Variants in EGFL6 observed in about 807,000 individuals in gnomAD.
The protein encoded by EGFL6 is EGF like domain multiple 6, also known as epidermal growth factor-like protein 6.
A neutral mutation model predicts 43.1 loss-of-function variants in EGFL6; 42 were observed. That is an observed-to-expected ratio of 0.98 (90% CI 0.76 to 1.26). The LOEUF (loss-of-function observed/expected upper bound fraction) is 1.26, where lower values mean the gene tolerates loss of function less well. Among genes scored for constraint, EGFL6 ranks in the 50% most tolerant of loss-of-function variants. EGFL6 has a pLI of 0.00. For missense variants in EGFL6, 429 were observed against 427.8 expected, an observed-to-expected ratio of 1.00 and a Z score of -0.02; for synonymous variants, 164 against 163.2, an observed-to-expected ratio of 1.01 and a Z score of -0.04.
chrX:13,570,404 G>C (rs911628328), intron 1 of EGFL6, among the ~76,000 whole-genome samples: 4 of 111,592 alleles, frequency 3.6e-5, no homozygotes, highest in African/African-American at 1.3e-4. Context: ...GAAAGAAACC[G>C]AGGACGATAA....
At chrX:13,627,685 G>T (rs1159188739) in intron 11 of EGFL6, among the ~76,000 whole-genome samples, 2 of 111,918 alleles carry the variant, frequency 1.8e-5, no homozygotes, top group African/African-American at 6.5e-5. Flanking sequence ...AGTGGCTATT[G>T]TCAGTGTCCC....
chrX:13,569,754 A>C lies in EGFL6; in HGVS notation c.-108A>C. 1.3e-6 allele frequency: 1 copy of C among 768,728 alleles called. No individual in the cohort carries two copies. The highest frequency in any genetic ancestry group is 2.4e-5 in the Admixed American group (1 of 41,633). The allele number at this position is 768,728 out of a possible 1,213,427, so 63.4% of individuals were successfully genotyped here. ...CACCCGGTAACTGCGAGTGGAGCGG[A>C]GGACCCGAGCGGCTGAGGAGAGAGG... On this transcript the variant is annotated 5_prime_UTR_variant, in exon 1 of 12. Coordinates refer to ENST00000361306, the MANE Select transcript of EGFL6 (RefSeq NM_015507.4).
chrX:13,602,138 A>G (rs1411704760), intron 4 of EGFL6, among the ~76,000 whole-genome samples: 1 of 111,097 alleles, frequency 9.0e-6, no homozygotes, highest in Non-Finnish European at 1.9e-5. Flanking sequence ...TTATAGCTCA[A>G]AGTGTCCAGA....
At chrX:13,625,566 C>T in intron 10 of EGFL6, among the ~76,000 whole-genome samples, 1 of 110,500 alleles carries the variant, frequency 9.0e-6, no homozygotes, top group Middle Eastern at 4.7e-3. Flanking sequence ...TGCCTGTAAT[C>T]CCAGCTACTT....
intron 2 of EGFL6, among the ~76,000 whole-genome samples, chrX:13,592,813 G>A (rs756125403): frequency 3.3e-5 from 3 of 89,912 alleles, no homozygotes; most frequent in African/African-American, 1.3e-4. Context: ...TAAAGGGTAG[G>A]TCTAGAGAAT....
intron 1 of EGFL6, among the ~76,000 whole-genome samples, chrX:13,587,903 A>G (rs1476777722): frequency 8.9e-6 from 1 of 111,917 alleles, no homozygotes; most frequent in Non-Finnish European, 1.9e-5. Flanking sequence ...AATGAAAGAA[A>G]AGTTTACCTT....
At chrX:13,597,061 C>T (rs946078460) in intron 3 of EGFL6, among the ~76,000 whole-genome samples, 3 of 111,984 alleles carry the variant, frequency 2.7e-5, no homozygotes, top group Non-Finnish European at 3.8e-5. Context: ...GAGGTACTCC[C>T]GGCATCTAGT....
intron 4 of EGFL6, 44 bp downstream of exon 4, chrX:13,600,138 T>G: frequency 8.5e-7 from 1 of 1,174,763 alleles, no homozygotes; most frequent in Non-Finnish European, 1.1e-6. Context: ...TGTTTAAGGC[T>G]TGGCTTTTGC....
At chrX:13,572,701 G>A (rs1270699135) in intron 1 of EGFL6, among the ~76,000 whole-genome samples, 1 of 112,051 alleles carries the variant, frequency 8.9e-6, no homozygotes, top group East Asian at 2.8e-4. Flanking sequence ...TGTGAGAGAG[G>A]AGGGAATGAC....
chrX:13,569,714 A>C lies in EGFL6; in HGVS notation c.-148A>C. On this transcript the variant is annotated 5_prime_UTR_variant, in exon 1 of 12. Transcript: ENST00000361306. Reference sequence around the variant, plus strand: ...GCCGCGGTGCCTGGCCTCCCCTCCCAGACTGCAGGGACAGCACCCGGTAAC... The same window carrying C: ...GCCGCGGTGCCTGGCCTCCCCTCCCCGACTGCAGGGACAGCACCCGGTAAC... The C allele has an allele frequency of 5.6e-6, 3 of 537,756 alleles. No homozygotes were observed. The highest frequency in any genetic ancestry group is 3.9e-5 in the East Asian group (1 of 25,525). The allele number at this position is 537,756 out of a possible 1,213,427, so 44.3% of individuals were successfully genotyped here.
chrX:13,595,067 A>G, intron 3 of EGFL6, 139 bp downstream of exon 3: 1 of 365,664 alleles, frequency 2.7e-6, no homozygotes, highest in Non-Finnish European at 4.6e-6. Flanking sequence ...CAAGTTTTTC[A>G]ATCTCTTCTC....
intron 3 of EGFL6, among the ~76,000 whole-genome samples, chrX:13,598,871 TTTC>T (rs2045616031): frequency 2.9e-5 from 3 of 104,125 alleles, no homozygotes; most frequent in Non-Finnish European, 5.8e-5. Flanking sequence ...TTCATATATA[TTTC>T]ATATATATAA....
chrX:13,585,526 A>G (rs1427028681), intron 1 of EGFL6, among the ~76,000 whole-genome samples: 1 of 111,011 alleles, frequency 9.0e-6, no homozygotes, highest in African/African-American at 3.3e-5. Context: ...CTAGCACTAT[A>G]GTCCATACAT....
intron 11 of EGFL6, among the ~76,000 whole-genome samples, chrX:13,632,462 C>CGTG (rs2045818144): frequency 9.2e-6 from 1 of 108,399 alleles, no homozygotes; most frequent in Non-Finnish European, 1.9e-5. Flanking sequence ...CCACCACGCC[C>CGTG]GGCTAATTTG....
chrX:13,570,762 CGAGGCACAGA>C (rs1325491692), intron 1 of EGFL6, among the ~76,000 whole-genome samples: 3 of 111,572 alleles, frequency 2.7e-5, no homozygotes, highest in Non-Finnish European at 5.6e-5. Flanking sequence ...AAGAGAAAAA[CGAGGCACAGA>C]GAGGTAAAGT....
At chrX:13,621,001 C>T (rs766488776) in intron 9 of EGFL6, among the ~76,000 whole-genome samples, 4 of 112,536 alleles carry the variant, frequency 3.6e-5, no homozygotes, top group Non-Finnish European at 7.5e-5. Context: ...TGCAACTCTT[C>T]CACTGGTTGT....
chrX:13,625,980 G>A lies in EGFL6; in HGVS notation c.1286-1031G>A, dbSNP rs763631348. The stretch of plus-strand genomic sequence containing the variant: ...TAAAACCACAAAGACAGCTCAAAGC[G>A]GACTTTATCTGGGAGAGAAAGGGAA... On this transcript the variant is annotated intron_variant, in intron 10 of 11. Transcript: ENST00000361306. Among the ~76,000 whole-genome samples the A allele has an allele frequency of 2.3e-4, 25 of 110,696 alleles. 1 individual carries two copies. The Admixed American group carries it at 2.3e-3, about 10-fold the overall frequency.
At chrX:13,583,218 T>C (rs2045517464) in intron 1 of EGFL6, among the ~76,000 whole-genome samples, 3 of 110,680 alleles carry the variant, frequency 2.7e-5, no homozygotes, top group Admixed American at 9.6e-5. Flanking sequence ...CTCCCCATGT[T>C]CTTAATGGTG....
At chrX:13,585,681 A>G (rs1470391708) in intron 1 of EGFL6, among the ~76,000 whole-genome samples, 1 of 111,844 alleles carries the variant, frequency 8.9e-6, no homozygotes, top group Middle Eastern at 4.2e-3. Context: ...TTGTTGCTAG[A>G]TTGAATTCTA....
Sources: allele counts gnomAD v4.1 joint callset (sites outside exome capture counted in the v4.1 genomes callset), GRCh38; gene constraint gnomAD v4.1.1; transcripts MANE v1.5; gene names NCBI Gene and HGNC (gene_info 2026-07-23, HGNC 2026-07-21).